The following TPRG1 variants were observed in gnomAD, a reference collection of about 807,000 sequenced individuals.
The protein encoded by TPRG1 is tumor protein p63-regulated gene 1 protein.
TPRG1 carries 29 observed loss-of-function variants against 29.3 expected under a neutral mutation model. That is an observed-to-expected ratio of 0.99 (90% confidence interval 0.74 to 1.35). TPRG1 has a LOEUF of 1.35. Ranked by LOEUF, TPRG1 falls within the 40% of genes most tolerant of loss-of-function variation. TPRG1 has a pLI of 0.00. For synonymous variants in TPRG1, 130 were observed against 116.8 expected (o/e 1.11, Z -0.73); for missense variants, 327 against 335.0 (o/e 0.98, Z 0.19).
At chr3:189,075,726 C>T (rs1717130156) in intron 4 of TPRG1, among the ~76,000 whole-genome samples, 1 of 152,192 alleles carries the variant, frequency 6.6e-6, no homozygotes, top group South Asian at 2.1e-4. Flanking sequence ...TACAGTCCCA[C>T]TTCCTTAGCC....
intron 3 of TPRG1, among the ~76,000 whole-genome samples, chr3:189,147,166 G>A (rs1235444633): frequency 1.3e-5 from 2 of 152,212 alleles, no homozygotes; most frequent in African/African-American, 4.8e-5. Flanking sequence ...GAAGGAAGAG[G>A]AGGGAAGAGT....
chr3:189,139,340 C>G (rs6444355), intron 3 of TPRG1, among the ~76,000 whole-genome samples: 2,762 of 152,280 alleles, frequency 0.018, 104 homozygotes, highest in African/African-American at 0.062. Flanking sequence ...GGGGAGCTGA[C>G]CCGGATCCAG....
chr3:188,997,738 T>A (rs1711879948), intron 1 of TPRG1, among the ~76,000 whole-genome samples: 1 of 152,176 alleles, frequency 6.6e-6, no homozygotes, highest in South Asian at 2.1e-4. Context: ...CCTGGAAATA[T>A]CTTCATGAAG....
chr3:189,253,522 C>A (rs555290431), intron 4 of TPRG1, among the ~76,000 whole-genome samples: 1 of 152,260 alleles, frequency 6.6e-6, no homozygotes, highest in Non-Finnish European at 1.5e-5. Context: ...TGGGTTGGTT[C>A]CAAGTCTTTG....
intron 4 of TPRG1, among the ~76,000 whole-genome samples, chr3:189,294,450 A>G (rs1719534656): frequency 6.6e-6 from 1 of 152,192 alleles, no homozygotes. Flanking sequence ...AAAATGAGCA[A>G]AGGTTGAACT....
At chr3:188,999,026 C>T (rs974442849) in intron 1 of TPRG1, among the ~76,000 whole-genome samples, 5 of 151,992 alleles carry the variant, frequency 3.3e-5, no homozygotes, top group Non-Finnish European at 5.9e-5. Context: ...TCCTAATTAC[C>T]CATATTTGGT....
chr3:189,273,664 A>T (rs934605589), intron 4 of TPRG1, among the ~76,000 whole-genome samples: 2 of 152,194 alleles, frequency 1.3e-5, no homozygotes, highest in Non-Finnish European at 2.9e-5. Context: ...CACTCATTTG[A>T]TAGCTCTGGC....
chr3:189,002,046 TTAACGTG>T (rs1249727692), intron 2 of TPRG1, among the ~76,000 whole-genome samples: 9 of 152,236 alleles, frequency 5.9e-5, no homozygotes, highest in Admixed American at 5.9e-4. Context: ...GCACAACTAG[TTAACGTG>T]GCCTTTGGCT....
At chr3:189,254,545 T>A (rs1579056986) in intron 4 of TPRG1, among the ~76,000 whole-genome samples, 1 of 152,306 alleles carries the variant, frequency 6.6e-6, no homozygotes, top group Non-Finnish European at 1.5e-5. Flanking sequence ...TATTTTTTCC[T>A]AATTCTCTGA....
chr3:189,008,339 G>A (rs2152122295), intron 3 of TPRG1, among the ~76,000 whole-genome samples: 1 of 152,216 alleles, frequency 6.6e-6, no homozygotes, highest in South Asian at 2.1e-4. Flanking sequence ...GAATCACTTG[G>A]ACATCTTTTA....
chr3:189,222,247 G>A (rs887804395), intron 3 of TPRG1, among the ~76,000 whole-genome samples: 6 of 152,016 alleles, frequency 3.9e-5, no homozygotes, highest in East Asian at 1.9e-4. Flanking sequence ...CCAGTCACAC[G>A]TTTACCTTGT....
Position 189,232,658 on chromosome 3 carries a change from G to A in TPRG1, c.303-6075G>A, listed in dbSNP as rs1322591534. Among the ~76,000 whole-genome samples the A allele has an allele frequency of 3.9e-5, 6 of 152,278 alleles. No individual in the cohort carries two copies. In the South Asian group the frequency reaches 1.0e-3, roughly 26 times the overall value. On this transcript the variant is annotated intron_variant, in intron 3 of 5. Coordinates refer to ENST00000345063, the MANE Select transcript of TPRG1 (RefSeq NM_198485.4). ...ATGTGACTGTCTGCATGGGATAGTG[G>A]GGGGAAAAGTGAACTCCAGGGAGTC...
intron 1 of TPRG1, among the ~76,000 whole-genome samples, chr3:189,178,923 A>T (rs1196290609): frequency 4.6e-5 from 7 of 152,260 alleles, no homozygotes; most frequent in Admixed American, 4.6e-4. Flanking sequence ...AGCTCTAAAA[A>T]GGAATTAGAA....
chr3:189,221,334 C>G (rs9832861), intron 3 of TPRG1, among the ~76,000 whole-genome samples: 53,329 of 151,982 alleles, frequency 0.35, 9,549 homozygotes, highest in South Asian at 0.52. Flanking sequence ...TCTAAAGTTG[C>G]GGAAATAAGG....
chr3:189,107,032 GT>G (rs936306639), intron 1 of TPRG1, among the ~76,000 whole-genome samples: 1 of 151,270 alleles, frequency 6.6e-6, no homozygotes, highest in East Asian at 1.9e-4. Context: ...AATAGCATTT[GT>G]TTTTTTTGGA....
At chr3:189,159,730 G>A (rs1412051047) in intron 5 of TPRG1, among the ~76,000 whole-genome samples, 1 of 152,044 alleles carries the variant, frequency 6.6e-6, no homozygotes, top group Non-Finnish European at 1.5e-5. Flanking sequence ...TGTGGAATGG[G>A]CAATGAGAAA....
At position 189,253,196 on chromosome 3, in the gene TPRG1, G is replaced by A. The variant is rs540560647; in HGVS notation, c.479+14287G>A. On this transcript the variant is annotated intron_variant, in intron 4 of 5. Coordinates refer to ENST00000345063, the MANE Select transcript of TPRG1 (RefSeq NM_198485.4). ...TTCTCTTAATGCTATCCCTCCTCAGGCCCCTCACCCCCCAACTGGCCCTAG... is the reference window on the plus strand; with the variant it reads ...TTCTCTTAATGCTATCCCTCCTCAGACCCCTCACCCCCCAACTGGCCCTAG... Among the ~76,000 whole-genome samples the A allele has an allele frequency of 5.9e-5, 9 of 151,962 alleles. No individual in the cohort carries two copies. The East Asian group carries it at 1.5e-3, about 26-fold the overall frequency.
intron 1 of TPRG1, among the ~76,000 whole-genome samples, chr3:189,175,459 G>C (rs1289188488): frequency 6.6e-6 from 1 of 152,218 alleles, no homozygotes; most frequent in Non-Finnish European, 1.5e-5. Flanking sequence ...GTGCTGGCAG[G>C]CTCAGGGTTT....
chr3:189,227,395 G>A (rs557578937), intron 3 of TPRG1, among the ~76,000 whole-genome samples: 48 of 152,298 alleles, frequency 3.2e-4, no homozygotes, highest in Non-Finnish European at 6.5e-4. Flanking sequence ...GGAGGGCCAC[G>A]GCAGCTGCCC....
Sources: allele counts gnomAD v4.1 joint callset (sites outside exome capture counted in the v4.1 genomes callset), GRCh38; gene constraint gnomAD v4.1.1; transcripts MANE v1.5; gene names NCBI Gene and HGNC (gene_info 2026-07-23, HGNC 2026-07-21).